The following CLIC4 variants were observed in gnomAD, a reference collection of about 807,000 sequenced individuals.
CLIC4 encodes CLIC family member 4, also known as chloride intracellular channel protein 4.
In CLIC4, 13 loss-of-function variants were observed where a neutral mutation model predicts 24.6. That is an observed-to-expected ratio of 0.53 (90% CI 0.34 to 0.84). CLIC4 has a LOEUF of 0.84. Among genes scored for constraint, CLIC4 ranks in the 40% least tolerant of loss-of-function variants. The pLI is 0.01. For missense variants in CLIC4, 227 were observed against 301.7 expected (o/e 0.75, Z 1.83); for synonymous variants, 104 against 111.3 (o/e 0.93, Z 0.41).
chr1:24,840,824 A>G lies in CLIC4; in HGVS notation c.649A>G (p.Ile217Val), dbSNP rs774926369. ...NFDIPKEMTGIWRYLTNAYSR... is the reference protein window; with the variant it reads ...NFDIPKEMTGVWRYLTNAYSR... The stretch of plus-strand genomic sequence containing the variant: ...TGATATTCCAAAAGAAATGACTGGC[A>G]TCTGGAGATACCTAACTAATGCATA... Residue 217 changes from isoleucine (I) to valine (V), a missense_variant, in exon 6 of 6, where the codon ATC becomes GTC. By Grantham distance (29) the Ile-to-Val change is conservative. Coordinates refer to ENST00000374379, the MANE Select transcript of CLIC4 (RefSeq NM_013943.3). 1.2e-6 allele frequency: 2 copies of G among 1,611,624 alleles called. No homozygotes were observed. Among genetic ancestry groups the G allele is most frequent in the Admixed American group, 3.4e-5 (2 of 59,682 alleles).
intron 1 of CLIC4, among the ~76,000 whole-genome samples, chr1:24,796,914 C>G (rs535996136): frequency 9.2e-5 from 14 of 151,738 alleles, no homozygotes; most frequent in Non-Finnish European, 1.9e-4. Flanking sequence ...TTGGGCAGTG[C>G]TATACTAGAC....
chr1:24,756,181 AG>A (rs1361618644), intron 1 of CLIC4, among the ~76,000 whole-genome samples: 2 of 151,960 alleles, frequency 1.3e-5, no homozygotes, highest in African/African-American at 4.8e-5. Context: ...TTCTATTTCT[AG>A]TAGAGACGGG....
intron 1 of CLIC4, among the ~76,000 whole-genome samples, chr1:24,781,604 G>A (rs904294335): frequency 6.6e-6 from 1 of 151,972 alleles, no homozygotes; most frequent in South Asian, 2.1e-4. Flanking sequence ...AGTGCTGTGG[G>A]TCCTCAAGGA....
chr1:24,746,595 A>C (rs971587511), intron 1 of CLIC4, among the ~76,000 whole-genome samples: 6 of 152,244 alleles, frequency 3.9e-5, no homozygotes, highest in African/African-American at 1.4e-4. Flanking sequence ...CCACTTAAAA[A>C]GCCAGGCTCA....
At chr1:24,839,782 C>CAT (rs373053506) in intron 4 of CLIC4, 78 bp from the exon 5 acceptor site, 25 of 1,272,832 alleles carry the variant, frequency 2.0e-5, no homozygotes, top group Middle Eastern at 2.8e-4. Flanking sequence ...GTTATTGACT[C>CAT]AAAGAGTCTG....
chr1:24,745,712 C>A lies in CLIC4; in HGVS notation c.72+87C>A, dbSNP rs553142423. On this transcript the variant is annotated intron_variant, in intron 1 of 5. Coordinates refer to ENST00000374379, the MANE Select transcript of CLIC4 (RefSeq NM_013943.3). ...GCGGCGTCCCGGGGCTCTCCTGAGG[C>A]GCCCCCGCTCGGCGCCAGCACCCGT... 186 of 1,078,674 alleles carry A rather than the reference C, an allele frequency of 1.7e-4. 1 individual carries two copies. In the African/African-American group the frequency reaches 2.7e-3, roughly 15 times the overall value. 66.8% of individuals were successfully genotyped at this position (1,078,674 alleles called of 1,614,324 possible).
intron 1 of CLIC4, among the ~76,000 whole-genome samples, chr1:24,785,172 T>A (rs544632776): frequency 6.6e-6 from 1 of 151,720 alleles, no homozygotes; most frequent in South Asian, 2.1e-4. Flanking sequence ...TTCCCTTCTC[T>A]CCTTGTTTTC....
At chr1:24,770,842 T>C (rs983537358) in intron 1 of CLIC4, among the ~76,000 whole-genome samples, 1 of 152,174 alleles carries the variant, frequency 6.6e-6, no homozygotes, top group African/African-American at 2.4e-5. Flanking sequence ...TTACTTAGTA[T>C]TTTCTTGGTT....
intron 1 of CLIC4, among the ~76,000 whole-genome samples, chr1:24,766,478 T>G (rs866992806): frequency 3.2e-4 from 1 of 3,160 alleles, no homozygotes; most frequent in East Asian, 0.016. Flanking sequence ...AGACGGTTTT[T>G]TTTTTTTTTT....
chr1:24,766,294 C>A (rs764078310), intron 1 of CLIC4, among the ~76,000 whole-genome samples: 1 of 151,746 alleles, frequency 6.6e-6, no homozygotes, highest in Admixed American at 6.6e-5. Flanking sequence ...TGAGGCACCA[C>A]GCCCGGCCTA....
At chr1:24,783,400 A>G (rs772289735) in intron 1 of CLIC4, among the ~76,000 whole-genome samples, 2 of 152,090 alleles carry the variant, frequency 1.3e-5, no homozygotes, top group Non-Finnish European at 2.9e-5. Flanking sequence ...TAGTAGTATA[A>G]TACAGTAATA....
intron 3 of CLIC4, among the ~76,000 whole-genome samples, chr1:24,819,425 C>A (rs1292803512): frequency 6.6e-6 from 1 of 151,720 alleles, no homozygotes; most frequent in African/African-American, 2.4e-5. Context: ...ATGAATTCAA[C>A]TTAGTGGAAA....
At chr1:24,748,943 C>T (rs1034010450) in intron 1 of CLIC4, among the ~76,000 whole-genome samples, 1 of 152,004 alleles carries the variant, frequency 6.6e-6, no homozygotes, top group Non-Finnish European at 1.5e-5. Context: ...AGCAGTGGAC[C>T]AGGTGTGGTG....
At chr1:24,799,952 C>T (rs867333191) in intron 2 of CLIC4, among the ~76,000 whole-genome samples, 2 of 4,672 alleles carry the variant, frequency 4.3e-4, no homozygotes, top group African/African-American at 9.9e-4. Flanking sequence ...CCAGCCGCCC[C>T]GTCTGGGAGG....
chr1:24,759,485 T>C (rs912776681), intron 1 of CLIC4, among the ~76,000 whole-genome samples: 4 of 151,934 alleles, frequency 2.6e-5, no homozygotes, highest in African/African-American at 9.7e-5. Context: ...TTTTTTTTTG[T>C]CTCATGCACT....
intron 1 of CLIC4, among the ~76,000 whole-genome samples, chr1:24,781,431 C>T (rs1295510574): frequency 6.6e-6 from 1 of 150,552 alleles, no homozygotes; most frequent in East Asian, 2.0e-4. Flanking sequence ...TGTGAGCCAC[C>T]GCGTCTGGCA....
chr1:24,765,676 C>T (rs1638985703), intron 1 of CLIC4, among the ~76,000 whole-genome samples: 1 of 152,142 alleles, frequency 6.6e-6, no homozygotes, highest in Admixed American at 6.5e-5. Flanking sequence ...ATACCGTTGC[C>T]TCCGTATTGC....
chr1:24,782,696 C>A (rs567089687), intron 1 of CLIC4, among the ~76,000 whole-genome samples: 109 of 152,208 alleles, frequency 7.2e-4, no homozygotes, highest in African/African-American at 2.6e-3. Flanking sequence ...AAGTTACAAG[C>A]ATAAGAGGTA....
chr1:24,746,041 G>C (rs756434353), intron 1 of CLIC4, among the ~76,000 whole-genome samples: 15 of 151,666 alleles, frequency 9.9e-5, no homozygotes, highest in Non-Finnish European at 1.8e-4. Context: ...GCCGCCCGGA[G>C]CCCGAACTGC....
Sources: allele counts gnomAD v4.1 joint callset (sites outside exome capture counted in the v4.1 genomes callset), GRCh38; gene constraint gnomAD v4.1.1; transcripts MANE v1.5; gene names NCBI Gene and HGNC (gene_info 2026-07-23, HGNC 2026-07-21).